Variants in NCAM2 observed in about 807,000 individuals in gnomAD.
NCAM2 encodes N-CAM-2.
Under a neutral mutation model 98.1 loss-of-function variants are expected in NCAM2, and 30 were observed. The ratio of observed to expected loss-of-function variants is 0.31; its 90% confidence interval spans 0.23 to 0.41. The LOEUF (loss-of-function observed/expected upper bound fraction) is 0.41, where lower values mean the gene tolerates loss of function less well. Among genes scored for constraint, NCAM2 ranks in the 10% least tolerant of loss-of-function variants. NCAM2 has a pLI of 1.00. For synonymous variants in NCAM2, 368 were observed against 342.4 expected (o/e 1.07, Z -0.83); for missense variants, 867 against 1,005.8 (o/e 0.86, Z 1.87).
intron 1 of NCAM2, among the ~76,000 whole-genome samples, chr21:21,014,347 C>T (rs1303902041): frequency 6.6e-6 from 1 of 151,292 alleles, no homozygotes; most frequent in East Asian, 1.9e-4. Flanking sequence ...TAGCTTGAAC[C>T]TGGGAGGCGG....
chr21:21,422,272 A>T (rs141927971), intron 11 of NCAM2, among the ~76,000 whole-genome samples: 1 of 152,210 alleles, frequency 6.6e-6, no homozygotes, highest in Non-Finnish European at 1.5e-5. Context: ...GTGTACACAC[A>T]TGGAAAAATA....
chr21:21,326,064 A>G (rs750056951), intron 6 of NCAM2, among the ~76,000 whole-genome samples: 17 of 152,314 alleles, frequency 1.1e-4, no homozygotes, highest in Non-Finnish European at 2.1e-4. Context: ...AGGGGCTAGA[A>G]GTCTTCCTGC....
chr21:21,242,322 T>G (rs950280932), intron 1 of NCAM2, among the ~76,000 whole-genome samples: 1 of 152,212 alleles, frequency 6.6e-6, no homozygotes, highest in African/African-American at 2.4e-5. Flanking sequence ...TCACTTAACA[T>G]ACTTATTTTT....
chr21:21,319,132 C>T (rs11700962), intron 5 of NCAM2, among the ~76,000 whole-genome samples: 1 of 149,916 alleles, frequency 6.7e-6, no homozygotes, highest in African/African-American at 2.4e-5. Context: ...GAAAAACAAA[C>T]AAAAAAAAAT....
Position 21,315,132 on chromosome 21 carries a change from C to G in NCAM2, c.620-9251C>G, listed in dbSNP as rs182436287. Among the ~76,000 whole-genome samples the G allele has an allele frequency of 7.2e-3, 1,096 of 152,182 alleles. 13 individuals are homozygous for G. Among genetic ancestry groups the G allele is most frequent in the South Asian group, 0.013 (65 of 4,822 alleles). ...CAGACAACAAATTCTGACCATCTTT[C>G]TTGGTTTTATATTCAGACGCCATTT... is the stretch of plus-strand genomic sequence containing the variant. On this transcript the variant is annotated intron_variant, in intron 5 of 17. Coordinates refer to ENST00000400546, the MANE Select transcript of NCAM2 (RefSeq NM_004540.5).
At chr21:21,482,788 T>C (rs989593602) in intron 15 of NCAM2, among the ~76,000 whole-genome samples, 1 of 140,912 alleles carries the variant, frequency 7.1e-6, no homozygotes, top group East Asian at 2.0e-4. Context: ...TTTTTTCTTA[T>C]TAAAGATGTA....
chr21:21,319,261 A>G (rs2074306033), intron 5 of NCAM2, among the ~76,000 whole-genome samples: 1 of 152,262 alleles, frequency 6.6e-6, no homozygotes, highest in African/African-American at 2.4e-5. Flanking sequence ...AAACATACAA[A>G]TAAAGAACAA....
chr21:21,107,899 C>G (rs1482948290), intron 1 of NCAM2, among the ~76,000 whole-genome samples: 1 of 151,952 alleles, frequency 6.6e-6, no homozygotes, highest in Non-Finnish European at 1.5e-5. Context: ...ATCCTGTACC[C>G]TTCAGAAGCT....
At chr21:21,224,607 T>C (rs1342671313) in intron 1 of NCAM2, among the ~76,000 whole-genome samples, 1 of 152,100 alleles carries the variant, frequency 6.6e-6, no homozygotes. Flanking sequence ...ATTCATTAAA[T>C]CCCAAATAAA....
intron 1 of NCAM2, among the ~76,000 whole-genome samples, chr21:21,052,469 C>A (rs924244777): frequency 1.3e-4 from 19 of 151,878 alleles, no homozygotes; most frequent in Admixed American, 3.9e-4. Context: ...TATTTTAGTC[C>A]ATATTCTATT....
intron 8 of NCAM2, among the ~76,000 whole-genome samples, chr21:21,343,194 T>TA: frequency 6.6e-6 from 1 of 152,134 alleles, no homozygotes; most frequent in Non-Finnish European, 1.5e-5. Flanking sequence ...TACATATATG[T>TA]AAAAAATTAC....
At chr21:21,160,761 A>T (rs1034350257) in intron 1 of NCAM2, among the ~76,000 whole-genome samples, 1 of 152,012 alleles carries the variant, frequency 6.6e-6, no homozygotes, top group African/African-American at 2.4e-5. Context: ...TAACAATATG[A>T]CTTTATTAAA....
At chr21:21,208,991 C>T (rs1022483024) in intron 1 of NCAM2, among the ~76,000 whole-genome samples, 7 of 151,956 alleles carry the variant, frequency 4.6e-5, no homozygotes, top group African/African-American at 1.7e-4. Flanking sequence ...CCTGGACTGG[C>T]ACATTGATGC....
At chr21:21,275,766 A>G (rs1260187972) in intron 1 of NCAM2, among the ~76,000 whole-genome samples, 2 of 152,160 alleles carry the variant, frequency 1.3e-5, no homozygotes, top group Admixed American at 6.5e-5. Context: ...GTAAACTTAT[A>G]TATTTATCAC....
At chr21:21,328,001 A>G (rs2074565729) in intron 6 of NCAM2, among the ~76,000 whole-genome samples, 1 of 152,116 alleles carries the variant, frequency 6.6e-6, no homozygotes, top group South Asian at 2.1e-4. Context: ...ATGGATTTTT[A>G]TTGTTAGCCC....
chr21:21,241,413 A>G (rs560731480), intron 1 of NCAM2, among the ~76,000 whole-genome samples: 5 of 152,304 alleles, frequency 3.3e-5, no homozygotes, highest in African/African-American at 1.2e-4. Flanking sequence ...TCTCCTTTGA[A>G]TTATATAGCA....
At chr21:21,368,386 A>AT (rs2148026266) in intron 8 of NCAM2, among the ~76,000 whole-genome samples, 1 of 151,936 alleles carries the variant, frequency 6.6e-6, no homozygotes, top group Non-Finnish European at 1.5e-5. Context: ...TTTCACTACC[A>AT]TTACCTTTCC....
At chr21:21,215,240 A>G (rs1203064539) in intron 1 of NCAM2, among the ~76,000 whole-genome samples, 1 of 152,200 alleles carries the variant, frequency 6.6e-6, no homozygotes, top group African/African-American at 2.4e-5. Context: ...AGAGTAAGGC[A>G]TACTGCATCA....
chr21:21,001,811 T>C (rs1297187060), intron 1 of NCAM2, among the ~76,000 whole-genome samples: 1 of 152,110 alleles, frequency 6.6e-6, no homozygotes, highest in African/African-American at 2.4e-5. Flanking sequence ...AAAGGAGGGG[T>C]GAATTGCCCA....
Sources: allele counts gnomAD v4.1 joint callset (sites outside exome capture counted in the v4.1 genomes callset), GRCh38; gene constraint gnomAD v4.1.1; transcripts MANE v1.5; gene names NCBI Gene and HGNC (gene_info 2026-07-23, HGNC 2026-07-21).